NOSTRIN: variants seen among roughly 807,000 people sequenced by gnomAD.
NOSTRIN encodes the protein BM247 homolog.
Under a neutral mutation model 59.0 loss-of-function variants are expected in NOSTRIN, and 63 were observed. The ratio of observed to expected loss-of-function variants is 1.07; its 90% CI spans 0.87 to 1.32. The LOEUF (loss-of-function observed/expected upper bound fraction) is 1.32, where lower values mean the gene tolerates loss of function less well. Ranked by LOEUF, NOSTRIN falls within the 40% of genes most tolerant of loss-of-function variation. NOSTRIN has a pLI of 0.00. For synonymous variants in NOSTRIN, 200 were observed against 165.4 expected, an observed-to-expected ratio of 1.21 and a Z score of -1.61; for missense variants, 512 against 473.1, an observed-to-expected ratio of 1.08 and a Z score of -0.76.
chr2:168,808,344 A>G (rs1041755684), intron 1 of NOSTRIN, among the ~76,000 whole-genome samples: 1 of 152,182 alleles, frequency 6.6e-6, no homozygotes, highest in Non-Finnish European at 1.5e-5. Flanking sequence ...ATTTCATCTC[A>G]GAGTCCCTTC....
intron 12 of NOSTRIN, among the ~76,000 whole-genome samples, chr2:168,857,832 A>G (rs1019561990): frequency 6.6e-6 from 1 of 152,190 alleles, no homozygotes; most frequent in Non-Finnish European, 1.5e-5. Context: ...TTGTACCCAG[A>G]TTGGCAATTT....
intron 14 of NOSTRIN, among the ~76,000 whole-genome samples, chr2:168,861,691 T>C (rs912063872): frequency 6.6e-6 from 1 of 152,218 alleles, no homozygotes; most frequent in Non-Finnish European, 1.5e-5. Context: ...ACTATTATTA[T>C]ACAATGATGT....
intron 2 of NOSTRIN, among the ~76,000 whole-genome samples, chr2:168,812,868 TTTTGGCTTCCTTCA>T: frequency 6.6e-6 from 1 of 152,292 alleles, no homozygotes; most frequent in African/African-American, 2.4e-5. Flanking sequence ...GAGAGGAATG[TTTTGGCTTCCTTCA>T]AGGTCAAGAC....
In NOSTRIN at chr2:168,834,208, T is replaced by A. The variant is rs1455718373; in HGVS notation, c.406-19T>A. The A allele has an allele frequency of 2.3e-6, 2 of 867,318 alleles. No individual in the cohort carries two copies. The highest frequency in any genetic ancestry group is 3.3e-5 in the African/African-American group (2 of 60,982). The allele number at this position is 867,318 out of a possible 1,614,324, so 53.7% of individuals were successfully genotyped here. A position where few individuals can be genotyped will look rare whatever the true frequency, so the allele number is the denominator to read the frequency against. ...AGCCTCTGCTCCTTTTTTTCTTGTTTGTATGTTTTTTACTCTAGGCCAAGA... is the reference window on the plus strand; with the variant it reads ...AGCCTCTGCTCCTTTTTTTCTTGTTAGTATGTTTTTTACTCTAGGCCAAGA... On this transcript the variant is annotated intron_variant, in intron 6 of 15. Coordinates refer to ENST00000317647, the MANE Select transcript of NOSTRIN (RefSeq NM_001039724.4).
chr2:168,848,957 C>CATA (rs1688588273), intron 8 of NOSTRIN, among the ~76,000 whole-genome samples: 1 of 152,066 alleles, frequency 6.6e-6, no homozygotes, highest in Admixed American at 6.5e-5. Context: ...TAAATTTTAC[C>CATA]ATAATTAAAA....
At chr2:168,837,379 G>A (rs1051503009) in intron 7 of NOSTRIN, among the ~76,000 whole-genome samples, 1 of 127,898 alleles carries the variant, frequency 7.8e-6, no homozygotes, top group Admixed American at 1.0e-4. Flanking sequence ...GCGCGATCTC[G>A]GCTTACTGCA....
Position 168,851,539 on chromosome 2 carries a change from A to G in NOSTRIN, c.855+135A>G, listed in dbSNP as rs182686272. The G allele has an allele frequency of 1.6e-3, 2,043 of 1,313,520 alleles. 5 individuals are homozygous for G. Among genetic ancestry groups the G allele is most frequent in the Middle Eastern group, 5.5e-3 (20 of 3,612 alleles). 81.4% of individuals were successfully genotyped at this position (1,313,520 alleles called of 1,614,324 possible). On this transcript the variant is annotated intron_variant, in intron 10 of 15. Coordinates refer to ENST00000317647, the MANE Select transcript of NOSTRIN (RefSeq NM_001039724.4). Reference sequence around the variant, plus strand: ...TTTCTCATACCCCATATAAATTTAAAAAACCCAGCATTCTAGTTTACAAAC... The same window carrying G: ...TTTCTCATACCCCATATAAATTTAAGAAACCCAGCATTCTAGTTTACAAAC...
At chr2:168,813,842 T>G (rs1170101966) in intron 2 of NOSTRIN, among the ~76,000 whole-genome samples, 2 of 152,222 alleles carry the variant, frequency 1.3e-5, no homozygotes, top group African/African-American at 4.8e-5. Context: ...GTCATTTATG[T>G]AATAAATGCT....
rs140008410 is a variant in NOSTRIN, at chr2:168,857,299, T to C, written c.1053+521T>C. On this transcript the variant is annotated intron_variant, in intron 12 of 15. Transcript: ENST00000317647. ...CTAGTAATTTTTATTAAGGTGGTAT[T>C]TTCCATTCATCCCTCTGCTGATCTC... Among the ~76,000 whole-genome samples the C allele has an allele frequency of 2.1e-3, 325 of 152,354 alleles. 4 individuals are homozygous for C. The highest frequency in any genetic ancestry group is 7.0e-3 in the African/African-American group (292 of 41,586).
At chr2:168,834,501 G>GCACACACACACACACA (rs1425272036) in intron 7 of NOSTRIN, among the ~76,000 whole-genome samples, 176 bp downstream of exon 7, 1,296 of 110,718 alleles carry the variant, frequency 0.012, 19 homozygotes, top group Non-Finnish European at 0.014. Context: ...GCGCGCGCGC[G>GCACACACACACACACA]CGCGCGCACA....
intron 2 of NOSTRIN, among the ~76,000 whole-genome samples, chr2:168,815,934 A>T (rs1451719838): frequency 6.6e-6 from 1 of 152,186 alleles, no homozygotes; most frequent in East Asian, 1.9e-4. Flanking sequence ...TGTATCCATG[A>T]TTCTGTCCAT....
intron 12 of NOSTRIN, 126 bp from the exon 13 acceptor site, chr2:168,859,386 A>G (rs1689304029): frequency 1.4e-6 from 2 of 1,394,514 alleles, no homozygotes; most frequent in Admixed American, 4.9e-5. Context: ...TTTTCTGTGA[A>G]TATCTGTATG....
intron 15 of NOSTRIN, chr2:168,863,618 G>GTTGAATGGGGAGTTACATT (rs1476227798): frequency 1.0e-6 from 1 of 985,284 alleles, no homozygotes; most frequent in South Asian, 4.7e-5. Flanking sequence ...TGTCTAAGTT[G>GTTGAATGGGGAGTTACATT]TTGAATGGGG....
intron 2 of NOSTRIN, among the ~76,000 whole-genome samples, chr2:168,813,747 A>T (rs1686266807): frequency 6.6e-6 from 1 of 152,214 alleles, no homozygotes. Flanking sequence ...TACAAAGCAC[A>T]TTCCTGCACA....
chr2:168,807,961 G>A (rs1685947044), intron 1 of NOSTRIN, among the ~76,000 whole-genome samples: 12 of 152,194 alleles, frequency 7.9e-5, no homozygotes, highest in Admixed American at 5.9e-4. Flanking sequence ...TTAAGAGGTT[G>A]AATGTGAATG....
chr2:168,822,476 G>A (rs1011772940), intron 2 of NOSTRIN, among the ~76,000 whole-genome samples: 1 of 152,096 alleles, frequency 6.6e-6, no homozygotes, highest in African/African-American at 2.4e-5. Context: ...AAAACACGCA[G>A]GTATTAGACT....
Position 168,851,394 on chromosome 2 carries a change from C to G in NOSTRIN, c.845C>G (p.Thr282Arg). The part of the protein sequence containing the change: ...STENKSEFLL[T>R]DYFEEDPNSA... ...GAAAACAAATCTGAGTTCCTGTTAACGGATTACTTTGTGAGTATGAAATGG... is the reference window on the plus strand; with the variant it reads ...GAAAACAAATCTGAGTTCCTGTTAAGGGATTACTTTGTGAGTATGAAATGG... The change falls in exon 10 of 16, where the codon ACG (threonine) becomes AGG (arginine). Residue 282 changes from threonine (T) to arginine (R), a missense_variant. Physicochemically the swap from Thr to Arg is moderately conservative, Grantham distance 71. Transcript: ENST00000317647. The G allele has an allele frequency of 1.2e-6, 2 of 1,610,608 alleles. No individual in the cohort carries two copies. Among genetic ancestry groups the G allele is most frequent in the Non-Finnish European group, 1.7e-6 (2 of 1,179,192 alleles).
chr2:168,852,533 G>T (rs1040444992), intron 10 of NOSTRIN, among the ~76,000 whole-genome samples: 33 of 152,234 alleles, frequency 2.2e-4, no homozygotes, highest in Admixed American at 5.2e-4. Flanking sequence ...GCGTTTCCCT[G>T]GGTCCTCTGC....
intron 8 of NOSTRIN, among the ~76,000 whole-genome samples, chr2:168,847,041 T>C (rs997910510): frequency 4.6e-5 from 7 of 152,098 alleles, no homozygotes; most frequent in African/African-American, 1.7e-4. Context: ...GCAGCAAACA[T>C]CCCAAATGTC....
Sources: allele counts gnomAD v4.1 joint callset (sites outside exome capture counted in the v4.1 genomes callset), GRCh38; gene constraint gnomAD v4.1.1; transcripts MANE v1.5; gene names NCBI Gene and HGNC (gene_info 2026-07-23, HGNC 2026-07-21).